The following DOCK3 variants were observed in gnomAD, a reference collection of about 807,000 sequenced individuals.
The protein encoded by DOCK3 is dedicator of cytokinesis protein 3.
Under a neutral mutation model 265.6 loss-of-function variants are expected in DOCK3, and 60 were observed. The observed-to-expected ratio is 0.23, with a 90% CI of 0.18 to 0.28. The LOEUF (loss-of-function observed/expected upper bound fraction) is 0.28, where lower values mean the gene tolerates loss of function less well. Among genes scored for constraint, DOCK3 ranks in the 10% least tolerant of loss-of-function variants. The pLI is 1.00. For missense variants in DOCK3, 1,981 were observed against 2,594.3 expected (o/e 0.76, Z 5.14); for synonymous variants, 881 against 938.0 (o/e 0.94, Z 1.11).
At chr3:50,968,007 A>T (rs552590251) in intron 5 of DOCK3, among the ~76,000 whole-genome samples, 2 of 152,236 alleles carry the variant, frequency 1.3e-5, no homozygotes, top group South Asian at 2.1e-4. Context: ...TACAGTGTGT[A>T]AGAGTTGCCT....
At chr3:50,931,529 A>G (rs1317039419) in intron 4 of DOCK3, among the ~76,000 whole-genome samples, 1 of 152,244 alleles carries the variant, frequency 6.6e-6, no homozygotes, top group African/African-American at 2.4e-5. Context: ...TTGAAGAAAT[A>G]AAGGATGTCT....
chr3:50,911,910 GT>G (rs1452614694), intron 4 of DOCK3, among the ~76,000 whole-genome samples: 5 of 151,834 alleles, frequency 3.3e-5, no homozygotes, highest in African/African-American at 1.2e-4. Context: ...TTATTCTTAG[GT>G]ATCTTATTAT....
At chr3:50,729,129 T>A (rs1376563392) in intron 1 of DOCK3, among the ~76,000 whole-genome samples, 1 of 147,174 alleles carries the variant, frequency 6.8e-6, no homozygotes, top group Non-Finnish European at 1.5e-5. Flanking sequence ...AAGACCAGCC[T>A]GCGCAACATG....
chr3:51,324,045 A>G (rs1399177702), intron 32 of DOCK3, among the ~76,000 whole-genome samples: 6 of 152,228 alleles, frequency 3.9e-5, no homozygotes, highest in East Asian at 3.8e-4. Context: ...CACCACTCCT[A>G]TTCAACGTAG....
intron 12 of DOCK3, among the ~76,000 whole-genome samples, chr3:51,187,882 A>T (rs1474168556): frequency 6.6e-6 from 1 of 150,768 alleles, no homozygotes; most frequent in Admixed American, 6.7e-5. Flanking sequence ...TTTCTTTTGT[A>T]AATTGCCCAG....
chr3:51,053,106 T>TAG (rs2081064975), intron 5 of DOCK3, among the ~76,000 whole-genome samples: 4 of 104,368 alleles, frequency 3.8e-5, no homozygotes, highest in African/African-American at 1.4e-4. Context: ...TATATATATA[T>TAG]ATATATATAT....
chr3:51,146,578 A>G lies in DOCK3; in HGVS notation c.776A>G (p.Asn259Ser). 6.3e-7 allele frequency: 1 copy of G among 1,599,226 alleles called. No homozygotes were observed. The highest frequency in any genetic ancestry group is 8.5e-7 in the Non-Finnish European group (1 of 1,172,372). The change falls in exon 10 of 53, where the codon AAT (asparagine) becomes AGT (serine). Residue 259 changes from asparagine to serine, a missense_variant. Coordinates refer to ENST00000266037, the MANE Select transcript of DOCK3 (RefSeq NM_004947.5). Reference sequence around the variant, plus strand: ...CGGTTTCTGGTAAGACTGAACAAGAATGGTGGGCCGAGGAACCCAGAGAAG... The same window carrying G: ...CGGTTTCTGGTAAGACTGAACAAGAGTGGTGGGCCGAGGAACCCAGAGAAG... Reference protein sequence around the residue: ...SERFLVRLNKNGGPRNPEKIE... With the variant: ...SERFLVRLNKSGGPRNPEKIE...
intron 33 of DOCK3, among the ~76,000 whole-genome samples, chr3:51,332,732 G>A (rs1011095452): frequency 3.9e-5 from 6 of 152,186 alleles, no homozygotes; most frequent in African/African-American, 1.4e-4. Context: ...TCTGGGCAGT[G>A]ATAAAGACAG....
chr3:51,225,904 C>A lies in DOCK3; in HGVS notation c.1377+131C>A, dbSNP rs2306429. ...CATCAGCCTTTTTCTCTGCCTTTTTCTTTCTTGAAGAAAACTCTAAAGTGT... is the reference window on the plus strand; with the variant it reads ...CATCAGCCTTTTTCTCTGCCTTTTTATTTCTTGAAGAAAACTCTAAAGTGT... On this transcript the variant is annotated intron_variant, in intron 15 of 52. Transcript: ENST00000266037. 8.3e-4 allele frequency: 1,030 copies of A among 1,247,920 alleles called. 18 individuals are homozygous for A. In the East Asian group the frequency reaches 0.024, roughly 29 times the overall value. 77.3% of individuals were successfully genotyped at this position (1,247,920 alleles called of 1,614,324 possible).
At chr3:51,014,062 C>T (rs1260091145) in intron 5 of DOCK3, among the ~76,000 whole-genome samples, 2 of 152,174 alleles carry the variant, frequency 1.3e-5, no homozygotes, top group Non-Finnish European at 2.9e-5. Flanking sequence ...TTTCCCGGTA[C>T]AGTCTGTCAA....
intron 1 of DOCK3, among the ~76,000 whole-genome samples, chr3:50,751,362 G>T (rs941662104): frequency 6.6e-6 from 1 of 151,664 alleles, no homozygotes; most frequent in Non-Finnish European, 1.5e-5. Context: ...CTATCAACCC[G>T]TCATCTAGGT....
chr3:51,302,496 G>C (rs892837469), intron 27 of DOCK3, among the ~76,000 whole-genome samples: 1 of 151,788 alleles, frequency 6.6e-6, no homozygotes, highest in African/African-American at 2.4e-5. Context: ...TTGCAGACTT[G>C]TTGATGTAGT....
intron 9 of DOCK3, among the ~76,000 whole-genome samples, chr3:51,136,483 C>A (rs557876442): frequency 1.3e-5 from 2 of 152,118 alleles, no homozygotes; most frequent in Admixed American, 1.3e-4. Context: ...TGTGATCCAC[C>A]CGTCTCGGCC....
intron 40 of DOCK3, 63 bp from the exon 41 acceptor site, chr3:51,354,819 C>T (rs2086253131): frequency 1.3e-6 from 2 of 1,578,020 alleles, no homozygotes; most frequent in Non-Finnish European, 1.7e-6. Context: ...CTACTGACTC[C>T]AGGGTGGAGG....
At chr3:51,372,314 C>T (rs1013699212) in intron 49 of DOCK3, among the ~76,000 whole-genome samples, 2 of 152,238 alleles carry the variant, frequency 1.3e-5, no homozygotes, top group Admixed American at 1.3e-4. Context: ...AAGTAACCAT[C>T]ACCTTCTCCT....
chr3:51,016,564 T>A (rs868053306), intron 5 of DOCK3, among the ~76,000 whole-genome samples: 2 of 75,828 alleles, frequency 2.6e-5, no homozygotes, highest in Non-Finnish European at 4.5e-5. Context: ...TATCATATAT[T>A]ATATATATAT....
intron 12 of DOCK3, among the ~76,000 whole-genome samples, chr3:51,193,998 T>G (rs2088115012): frequency 6.6e-6 from 1 of 152,086 alleles, no homozygotes; most frequent in Admixed American, 6.5e-5. Flanking sequence ...CATTGTTAGA[T>G]TGTTAATTTG....
intron 2 of DOCK3, among the ~76,000 whole-genome samples, chr3:50,819,790 C>T (rs1372011917): frequency 4.6e-5 from 7 of 152,038 alleles, no homozygotes; most frequent in African/African-American, 7.2e-5. Flanking sequence ...GGCGAAACCC[C>T]GTCTCTACTA....
intron 2 of DOCK3, among the ~76,000 whole-genome samples, chr3:50,796,331 AT>A (rs917183378): frequency 9.7e-5 from 14 of 143,900 alleles, no homozygotes; most frequent in African/African-American, 1.5e-4. Flanking sequence ...ATGCCCAGCC[AT>A]TTTTTTTTTG....
Sources: allele counts gnomAD v4.1 joint callset (sites outside exome capture counted in the v4.1 genomes callset), GRCh38; gene constraint gnomAD v4.1.1; transcripts MANE v1.5; gene names NCBI Gene and HGNC (gene_info 2026-07-23, HGNC 2026-07-21).